AFDN: variants seen among roughly 807,000 people sequenced by gnomAD.
AFDN encodes the protein afadin, adherens junction formation factor, also known as afadin.
Under a neutral mutation model 216.6 loss-of-function variants are expected in AFDN, and 68 were observed. The observed-to-expected ratio is 0.31, with a 90% CI of 0.26 to 0.38. The LOEUF is 0.38. AFDN is among the 10% of genes least tolerant of loss of function. The probability of loss-of-function intolerance (pLI) is 1.00; values close to 1 mark genes in which losing one functional copy is unlikely to be tolerated. For missense variants in AFDN, 2,136 were observed against 2,342.0 expected (o/e 0.91, Z 1.82); for synonymous variants, 868 against 853.7 (o/e 1.02, Z -0.29).
intron 5 of AFDN, among the ~76,000 whole-genome samples, chr6:167,877,418 G>C (rs574885978): frequency 5.5e-4 from 83 of 152,268 alleles, no homozygotes; most frequent in Admixed American, 1.4e-3. Flanking sequence ...GAAAGCCATT[G>C]ATTGTTAAGA....
chr6:167,927,025 A>G (rs1792633182), intron 23 of AFDN, among the ~76,000 whole-genome samples: 1 of 152,232 alleles, frequency 6.6e-6, no homozygotes, highest in Non-Finnish European at 1.5e-5. Flanking sequence ...TACCAGCTAT[A>G]TTAGCACAAC....
At chr6:167,889,789 C>T (rs1005769406) in intron 7 of AFDN, among the ~76,000 whole-genome samples, 1 of 152,132 alleles carries the variant, frequency 6.6e-6, no homozygotes, top group Non-Finnish European at 1.5e-5. Context: ...AATCACACAT[C>T]TCATTAAGAA....
chr6:167,930,606 C>T (rs146895441), intron 23 of AFDN, among the ~76,000 whole-genome samples: 3 of 152,082 alleles, frequency 2.0e-5, no homozygotes, highest in Non-Finnish European at 4.4e-5. Flanking sequence ...CAGATAGGAC[C>T]GGATCATAGA....
intron 30 of AFDN, among the ~76,000 whole-genome samples, chr6:167,953,603 G>C (rs529028946): frequency 6.6e-6 from 1 of 152,276 alleles, no homozygotes; most frequent in Admixed American, 6.5e-5. Flanking sequence ...TGTGTTTACT[G>C]TAAGCACTGT....
rs919100260 is a variant in AFDN, at chr6:167,907,666, A to C, written c.1769+377A>C. On this transcript the variant is annotated intron_variant, in intron 13 of 33. Transcript: ENST00000683244. ...TTCTAGAAGAAATCTTCATCTGTTT[A>C]AAAATATGTAAGATCAAAAATGATT... Among the ~76,000 whole-genome samples the C allele has an allele frequency of 3.3e-5, 5 of 152,232 alleles. No homozygotes were observed. The East Asian group carries it at 9.6e-4, about 29-fold the overall frequency.
intron 1 of AFDN, among the ~76,000 whole-genome samples, chr6:167,847,382 A>T (rs967470461): frequency 6.6e-6 from 1 of 152,086 alleles, no homozygotes; most frequent in Non-Finnish European, 1.5e-5. Flanking sequence ...CCAGTCCCTC[A>T]TATCTCTATT....
intron 23 of AFDN, among the ~76,000 whole-genome samples, chr6:167,926,218 C>T (rs1792507581): frequency 6.6e-6 from 1 of 152,186 alleles, no homozygotes; most frequent in African/African-American, 2.4e-5. Flanking sequence ...GCTTTTTCTT[C>T]CTCAGCTGCT....
chr6:167,877,892 C>A (rs1785584189), intron 5 of AFDN, among the ~76,000 whole-genome samples: 1 of 152,092 alleles, frequency 6.6e-6, no homozygotes, highest in African/African-American at 2.4e-5. Context: ...TTGTTAAACT[C>A]ACCTCACAGC....
At chr6:167,881,168 C>T (rs181767123) in intron 6 of AFDN, among the ~76,000 whole-genome samples, 1 of 152,100 alleles carries the variant, frequency 6.6e-6, no homozygotes, top group East Asian at 1.9e-4. Context: ...GTGTAGAGGT[C>T]TTGTGCCTCT....
At chr6:167,862,902 G>A (rs1459631570) in intron 1 of AFDN, among the ~76,000 whole-genome samples, 6 of 152,132 alleles carry the variant, frequency 3.9e-5, no homozygotes, top group Admixed American at 3.9e-4. Context: ...AGAATCTATG[G>A]GTAAGTGTTG....
At chr6:167,889,461 C>A (rs773159377) in intron 7 of AFDN, 135 bp downstream of exon 7, 3 of 628,276 alleles carry the variant, frequency 4.8e-6, no homozygotes, top group Non-Finnish European at 8.1e-6. Context: ...TTGAGACAGT[C>A]TCACTCTTGT....
chr6:167,871,383 T>C (rs887947113), intron 3 of AFDN, among the ~76,000 whole-genome samples: 9 of 152,186 alleles, frequency 5.9e-5, no homozygotes, highest in African/African-American at 2.2e-4. Flanking sequence ...TTCTGTATAT[T>C]TTGCTATGGA....
At chr6:167,964,084 C>T (rs1797298041) in intron 31 of AFDN, 5 of 1,064,162 alleles carry the variant, frequency 4.7e-6, no homozygotes, top group Non-Finnish European at 5.7e-6. Context: ...TGCTGAGAAA[C>T]TCTTGGGTTA....
intron 1 of AFDN, among the ~76,000 whole-genome samples, chr6:167,836,944 A>G (rs1178255750): frequency 6.6e-6 from 1 of 152,234 alleles, no homozygotes; most frequent in Non-Finnish European, 1.5e-5. Flanking sequence ...ACTGAATTTA[A>G]TGTTTATGAC....
At chr6:167,900,550 T>G (rs676740) in intron 11 of AFDN, among the ~76,000 whole-genome samples, 20,295 of 152,204 alleles carry the variant, frequency 0.13, 1,529 homozygotes, top group Non-Finnish European at 0.16. Context: ...TGTCCACATA[T>G]CCAGCCTGCA....
At chr6:167,878,167 G>A (rs374793882) in intron 5 of AFDN, among the ~76,000 whole-genome samples, 1 of 151,738 alleles carries the variant, frequency 6.6e-6, no homozygotes, top group African/African-American at 2.4e-5. Context: ...TGTGAGTAGC[G>A]GGGCACTGTG....
At chr6:167,827,347 CCCCCCTCCGCCCCTTCTCTCCCCT>C (rs1779231928) in intron 1 of AFDN, 110 bp downstream of exon 1, 3 of 44,236 alleles carry the variant, frequency 6.8e-5, no homozygotes, top group Non-Finnish European at 8.3e-5. Flanking sequence ...CTTTCCCCCT[CCCCCCTCCGCCCCTTCTCTCCCCT>C]CCCCCTCCCC....
intron 30 of AFDN, among the ~76,000 whole-genome samples, chr6:167,959,826 C>T (rs1026850305): frequency 2.6e-5 from 4 of 152,116 alleles, no homozygotes; most frequent in Admixed American, 6.5e-5. Flanking sequence ...GTGTAGTTCT[C>T]GATTTAGAAT....
intron 7 of AFDN, 127 bp downstream of exon 7, chr6:167,889,453 G>T: frequency 1.5e-6 from 1 of 660,546 alleles, no homozygotes; most frequent in Non-Finnish European, 2.6e-6. Flanking sequence ...TGTTGTTGTT[G>T]AGACAGTCTC....
Sources: allele counts gnomAD v4.1 joint callset (sites outside exome capture counted in the v4.1 genomes callset), GRCh38; gene constraint gnomAD v4.1.1; transcripts MANE v1.5; gene names NCBI Gene and HGNC (gene_info 2026-07-23, HGNC 2026-07-21).